Variants in HIBADH observed in about 807,000 individuals in gnomAD.
HIBADH encodes 3-hydroxyisobutyrate dehydrogenase, also known as 3-hydroxyisobutyrate dehydrogenase, mitochondrial.
A neutral mutation model predicts 36.1 loss-of-function variants in HIBADH; 25 were observed. That is an observed-to-expected ratio of 0.69 (90% CI 0.50 to 0.97). HIBADH has a LOEUF of 0.97. Ranked by LOEUF, HIBADH falls within the 50% of genes least tolerant of loss-of-function variation. The pLI, the probability that HIBADH is intolerant of heterozygous loss-of-function variation, is 0.00. For synonymous variants in HIBADH, 160 were observed against 149.5 expected, an observed-to-expected ratio of 1.07 and a Z score of -0.51; for missense variants, 421 against 418.0, an observed-to-expected ratio of 1.01 and a Z score of -0.06.
chr7:27,535,136 T>A (rs2128183420), intron 6 of HIBADH, among the ~76,000 whole-genome samples: 1 of 151,656 alleles, frequency 6.6e-6, no homozygotes, highest in African/African-American at 2.4e-5. Flanking sequence ...TGGTCTTAGA[T>A]GTTTCATTTC....
chr7:27,566,952 G>A (rs1784555829), intron 4 of HIBADH, among the ~76,000 whole-genome samples: 1 of 152,062 alleles, frequency 6.6e-6, no homozygotes, highest in African/African-American at 2.4e-5. Context: ...TTTGATCCAG[G>A]ATACCATCCA....
chr7:27,651,591 A>C (rs1402896556), intron 1 of HIBADH, among the ~76,000 whole-genome samples: 1 of 152,238 alleles, frequency 6.6e-6, no homozygotes, highest in Non-Finnish European at 1.5e-5. Context: ...CAATCTAAAA[A>C]CTTCAGCAAC....
At chr7:27,593,205 G>A (rs1384301983) in intron 4 of HIBADH, among the ~76,000 whole-genome samples, 3 of 152,158 alleles carry the variant, frequency 2.0e-5, no homozygotes, top group Non-Finnish European at 2.9e-5. Context: ...CACTTCCTCT[G>A]AGCATCATGT....
chr7:27,537,375 G>A (rs1784084216), intron 6 of HIBADH, among the ~76,000 whole-genome samples: 1 of 152,102 alleles, frequency 6.6e-6, no homozygotes, highest in Non-Finnish European at 1.5e-5. Flanking sequence ...TGGTAATTAA[G>A]AGGAAATGTG....
chr7:27,582,874 T>C lies in HIBADH; in HGVS notation c.485-39774A>G, dbSNP rs553599996. On this transcript the variant is annotated intron_variant, in intron 4 of 7. Coordinates refer to ENST00000265395, the MANE Select transcript of HIBADH (RefSeq NM_152740.4). ...CTACAAATGAGTAGGACAAATTCTT[T>C]AACCTCTTTATGAGACCATTTCCAC... Among the ~76,000 whole-genome samples, 6 of 152,280 alleles carry C rather than the reference T, an allele frequency of 3.9e-5. 1 individual carries two copies. In the South Asian group the frequency reaches 1.2e-3, roughly 32 times the overall value.
intron 4 of HIBADH, among the ~76,000 whole-genome samples, chr7:27,590,723 A>G (rs1338761390): frequency 2.0e-5 from 3 of 152,230 alleles, no homozygotes; most frequent in Non-Finnish European, 4.4e-5. Context: ...CCAGATAAGG[A>G]TCTCACTTAA....
Position 27,626,104 on chromosome 7 carries a change from GAAAAAAAAAA to G in HIBADH, c.484+3257_484+3266del, listed in dbSNP as rs70994672. 4.3e-4 allele frequency among the ~76,000 whole-genome samples: 31 copies of G among 72,496 alleles called. 1 individual carries two copies. The highest frequency in any genetic ancestry group is 1.7e-3 in the African/African-American group (31 of 18,650). The allele number at this position is 72,496 out of a possible 152,430, so 47.6% of individuals were successfully genotyped here. A position where few individuals can be genotyped will look rare whatever the true frequency, so the allele number is the denominator to read the frequency against. On this transcript the variant is annotated intron_variant, in intron 4 of 7. Transcript: ENST00000265395. ...GGTGACACAGTGAGACTCCGTCTCA[GAAAAAAAAAA>G]AAAAAAAAAAAAGATGTACAGTTTG...
intron 4 of HIBADH, among the ~76,000 whole-genome samples, chr7:27,603,361 G>A (rs1785164765): frequency 1.3e-5 from 2 of 152,082 alleles, no homozygotes; most frequent in African/African-American, 4.8e-5. Flanking sequence ...TACTTTGCAT[G>A]CAGTTAAATT....
chr7:27,527,930 T>TTTTTTTTTTC, intron 7 of HIBADH, among the ~76,000 whole-genome samples: 1 of 128,140 alleles, frequency 7.8e-6, no homozygotes, highest in African/African-American at 3.2e-5. Flanking sequence ...TTTTTTTTTT[T>TTTTTTTTTTC]TTTTTTTTTT....
intron 4 of HIBADH, among the ~76,000 whole-genome samples, chr7:27,612,018 T>C (rs1045117634): frequency 6.6e-6 from 1 of 152,152 alleles, no homozygotes; most frequent in Non-Finnish European, 1.5e-5. Flanking sequence ...TTCATAGCAA[T>C]TATCACTGAA....
intron 4 of HIBADH, among the ~76,000 whole-genome samples, chr7:27,604,013 C>T (rs1350763662): frequency 1.3e-5 from 2 of 152,078 alleles, no homozygotes; most frequent in Non-Finnish European, 2.9e-5. Context: ...TATTTCAGTA[C>T]ATCGCCCCTC....
intron 6 of HIBADH, among the ~76,000 whole-genome samples, chr7:27,532,644 T>C (rs930511543): frequency 6.6e-6 from 1 of 152,208 alleles, no homozygotes; most frequent in African/African-American, 2.4e-5. Context: ...TCTGAATTCA[T>C]ATGGTGGCCC....
At chr7:27,575,789 A>G (rs751185202) in intron 4 of HIBADH, among the ~76,000 whole-genome samples, 6 of 152,164 alleles carry the variant, frequency 3.9e-5, no homozygotes, top group Non-Finnish European at 8.8e-5. Context: ...GCCTGTAAGG[A>G]GGAAAACAGT....
intron 4 of HIBADH, among the ~76,000 whole-genome samples, chr7:27,573,694 C>A (rs1784662197): frequency 6.6e-6 from 1 of 152,142 alleles, no homozygotes; most frequent in Non-Finnish European, 1.5e-5. Flanking sequence ...AAGGCTGTGT[C>A]CTGTCCCACA....
chr7:27,644,643 T>TA (rs1420365798), intron 2 of HIBADH, among the ~76,000 whole-genome samples: 2 of 149,348 alleles, frequency 1.3e-5, no homozygotes, highest in East Asian at 3.9e-4. Flanking sequence ...CGCGTGCCTG[T>TA]AGTCACAGCT....
At chr7:27,565,621 AAT>A (rs1322811688) in intron 4 of HIBADH, among the ~76,000 whole-genome samples, 1 of 152,134 alleles carries the variant, frequency 6.6e-6, no homozygotes, top group African/African-American at 2.4e-5. Flanking sequence ...TGTGAATATG[AAT>A]AGTTTTATTT....
At chr7:27,543,421 C>T (rs1184802708) in intron 4 of HIBADH, among the ~76,000 whole-genome samples, 1 of 152,082 alleles carries the variant, frequency 6.6e-6, no homozygotes, top group Non-Finnish European at 1.5e-5. Context: ...ATCTATTATT[C>T]TCCTAAGAAA....
intron 4 of HIBADH, among the ~76,000 whole-genome samples, chr7:27,623,597 TAAAC>T (rs1562648603): frequency 6.6e-6 from 1 of 152,134 alleles, no homozygotes; most frequent in East Asian, 1.9e-4. Context: ...AGCATTTCTA[TAAAC>T]CAAGAGTGAT....
intron 4 of HIBADH, among the ~76,000 whole-genome samples, chr7:27,614,495 T>C (rs1381425525): frequency 3.9e-5 from 6 of 152,222 alleles, no homozygotes; most frequent in Admixed American, 6.5e-5. Flanking sequence ...AACCATACTT[T>C]ATTGTCTACA....
Sources: allele counts gnomAD v4.1 joint callset (sites outside exome capture counted in the v4.1 genomes callset), GRCh38; gene constraint gnomAD v4.1.1; transcripts MANE v1.5; gene names NCBI Gene and HGNC (gene_info 2026-07-23, HGNC 2026-07-21).